The following BCO2 variants were observed in gnomAD, a reference collection of about 807,000 sequenced individuals.
BCO2 encodes beta-carotene oxygenase 2, also known as carotenoid-cleaving dioxygenase, mitochondrial.
BCO2 carries 56 observed loss-of-function variants against 65.8 expected under a neutral mutation model. The ratio of observed to expected loss-of-function variants is 0.85; its 90% CI spans 0.69 to 1.06. The LOEUF is 1.06. Among genes scored for constraint, BCO2 ranks in the 50% least tolerant of loss-of-function variants. BCO2 has a pLI of 0.00. For missense variants in BCO2, 675 were observed against 698.5 expected (o/e 0.97, Z 0.38); for synonymous variants, 233 against 242.3 (o/e 0.96, Z 0.36).
At position 112,217,963 on chromosome 11, in the gene BCO2, A is replaced by C; in HGVS notation, c.*89A>C. 4 of 886,816 alleles carry C rather than the reference A, an allele frequency of 4.5e-6. No individual in the cohort carries two copies. The highest frequency in any genetic ancestry group is 3.5e-6 in the Non-Finnish European group (2 of 574,288). 54.9% of individuals were successfully genotyped at this position (886,816 alleles called of 1,614,324 possible). On this transcript the variant is annotated 3_prime_UTR_variant, in exon 12 of 12. Coordinates refer to ENST00000357685, the MANE Select transcript of BCO2 (RefSeq NM_031938.7). ...GAGAAATAAACACTGAGGACTCCAAAAGGGGGGCAAGGAGGAAGAGGGGCA... is the reference window on the plus strand; with the variant it reads ...GAGAAATAAACACTGAGGACTCCAACAGGGGGGCAAGGAGGAAGAGGGGCA...
chr11:112,204,661 T>C (rs1014039045), intron 8 of BCO2, among the ~76,000 whole-genome samples: 2 of 152,190 alleles, frequency 1.3e-5, no homozygotes, highest in Non-Finnish European at 2.9e-5. Flanking sequence ...TCCTTATGAC[T>C]TTTAGTAGCA....
intron 8 of BCO2, among the ~76,000 whole-genome samples, chr11:112,206,341 C>T (rs1867868670): frequency 6.8e-6 from 1 of 147,230 alleles, no homozygotes; most frequent in Admixed American, 6.8e-5. Flanking sequence ...AGGTGTTCCT[C>T]AGTTCCCAGA....
chr11:112,192,897 C>CCA (rs1469876567), intron 2 of BCO2, among the ~76,000 whole-genome samples: 4 of 105,534 alleles, frequency 3.8e-5, no homozygotes, highest in African/African-American at 1.4e-4. Flanking sequence ...TTAGGATTCA[C>CCA]CACAATAGGG....
Position 112,200,771 on chromosome 11 carries a change from C to T in BCO2, c.1024C>T (p.Gln342Ter), listed in dbSNP as rs1228112270. 6.2e-7 allele frequency: 1 copy of T among 1,612,598 alleles called. No homozygotes were observed. Among genetic ancestry groups the T allele is most frequent in the Non-Finnish European group, 8.5e-7 (1 of 1,179,616 alleles). The change falls in exon 7 of 12, where the codon CAG (glutamine) becomes TAG (stop). Residue 342 changes from glutamine (Q) to a stop codon, truncating the protein, a stop_gained and splice_region_variant. Coordinates refer to ENST00000357685, the MANE Select transcript of BCO2 (RefSeq NM_031938.7). LOFTEE classifies it high-confidence loss of function. ...TCATGTGGTGGAAAAACGCACTGGACAGGTGGAGTATTTTGAGTATATTTA... is the reference window on the plus strand; with the variant it reads ...TCATGTGGTGGAAAAACGCACTGGATAGGTGGAGTATTTTGAGTATATTTA... ...RFHVVEKRTG[Q>*]LLPGRYYSKP...
chr11:112,217,344 CTCTT>C (rs1859708226), intron 11 of BCO2, among the ~76,000 whole-genome samples: 2 of 152,016 alleles, frequency 1.3e-5, no homozygotes, highest in Non-Finnish European at 2.9e-5. Flanking sequence ...CATGGTCTTG[CTCTT>C]TCTTTCTCTC....
intron 8 of BCO2, among the ~76,000 whole-genome samples, chr11:112,209,284 T>C (rs888968514): frequency 6.6e-6 from 1 of 152,226 alleles, no homozygotes; most frequent in African/African-American, 2.4e-5. Flanking sequence ...TGGAAACCAC[T>C]GATCTTTTCA....
Position 112,179,449 on chromosome 11 carries a change from T to C in BCO2, c.260T>C (p.Ile87Thr), listed in dbSNP as rs112483486. The part of the protein sequence containing the change: ...PKWLNGSLLR[I>T]GPGKFEFGKD... ...TGGCTCAATGGCTCTCTACTTCGAA[T>C]TGGACCTGGGAAATTCGAGTTTGGG... The change falls in exon 2 of 12, where the codon ATT (isoleucine) becomes ACT (threonine). Residue 87 changes from isoleucine to threonine, a missense_variant. By Grantham distance (89) the Ile-to-Thr change is moderately conservative. Coordinates refer to ENST00000357685, the MANE Select transcript of BCO2 (RefSeq NM_031938.7). 1.1e-3 allele frequency: 1,759 copies of C among 1,614,114 alleles called. 4 individuals carry two copies. The highest frequency in any genetic ancestry group is 3.5e-3 in the South Asian group (315 of 91,082).
chr11:112,213,648 T>C (rs2135396336), intron 8 of BCO2, 76 bp from the exon 9 acceptor site: 1 of 1,376,222 alleles, frequency 7.3e-7, no homozygotes, highest in African/African-American at 1.4e-5. Context: ...CCAATGATGT[T>C]GACTGGATCT....
intron 8 of BCO2, among the ~76,000 whole-genome samples, chr11:112,209,407 T>A (rs1464816938): frequency 6.6e-6 from 1 of 152,244 alleles, no homozygotes; most frequent in Non-Finnish European, 1.5e-5. Context: ...GGTTCCTCTG[T>A]GTCTTTTGTG....
At chr11:112,216,447 C>T in intron 11 of BCO2, 117 bp downstream of exon 11, 1 of 686,174 alleles carries the variant, frequency 1.5e-6, no homozygotes, top group Non-Finnish European at 2.5e-6. Flanking sequence ...CCTTCTCTTC[C>T]CCTCCTTACT....
intron 2 of BCO2, chr11:112,183,052 C>T: frequency 3.4e-6 from 4 of 1,176,058 alleles, no homozygotes; most frequent in Admixed American, 1.7e-5. Context: ...AGAGGAGCGA[C>T]TCTGGCAGGA....
At chr11:112,194,559 TATCA>T (rs1867504861) in intron 4 of BCO2, 90 bp from the exon 5 acceptor site, 1 of 780,482 alleles carries the variant, frequency 1.3e-6, no homozygotes, top group Non-Finnish European at 2.1e-6. Flanking sequence ...GCAGTTTTCT[TATCA>T]TATTTTTAAA....
intron 2 of BCO2, among the ~76,000 whole-genome samples, chr11:112,188,757 C>CTTT (rs5794781): frequency 0.22 from 32,812 of 147,324 alleles, 3,729 homozygotes; most frequent in Middle Eastern, 0.26. Flanking sequence ...GCATAAATAG[C>CTTT]TTTTTTTTTT....
Position 112,200,623 on chromosome 11 carries a change from G to A in BCO2, c.876G>A (p.Arg292=), listed in dbSNP as rs1867702088. 6.2e-6 allele frequency: 10 copies of A among 1,605,968 alleles called. No individual in the cohort carries two copies. The South Asian group carries it at 1.0e-4, about 16-fold the overall frequency. Residue 292 remains arginine, a synonymous_variant, in exon 7 of 12, where the codon AGG becomes AGA. Coordinates refer to ENST00000357685, the MANE Select transcript of BCO2 (RefSeq NM_031938.7). ...PSYYHSFGMT[R]NYIIFIEQPL... is the part of the protein sequence containing the mutation. ...GCTGGAACCTTTTAGGAATGACAAGGAACTATATAATTTTCATTGAACAAC... is the reference window on the plus strand; with the variant it reads ...GCTGGAACCTTTTAGGAATGACAAGAAACTATATAATTTTCATTGAACAAC...
At chr11:112,183,410 A>T (rs112054738) in intron 2 of BCO2, among the ~76,000 whole-genome samples, 87 of 152,322 alleles carry the variant, frequency 5.7e-4, no homozygotes, top group African/African-American at 2.0e-3. Flanking sequence ...TAATAGATGT[A>T]GGGAAACTAG....
At chr11:112,195,915 G>T (rs1239354836) in intron 5 of BCO2, among the ~76,000 whole-genome samples, 1 of 152,134 alleles carries the variant, frequency 6.6e-6, no homozygotes, top group South Asian at 2.1e-4. Flanking sequence ...ATGGTCTCTG[G>T]GTGATCTTGG....
chr11:112,184,004 A>C (rs1468220027), intron 2 of BCO2, among the ~76,000 whole-genome samples: 1 of 152,206 alleles, frequency 6.6e-6, no homozygotes, highest in African/African-American at 2.4e-5. Flanking sequence ...GTCTGTTTAC[A>C]CTATTAGCCT....
At chr11:112,199,171 A>G (rs961981738) in intron 5 of BCO2, among the ~76,000 whole-genome samples, 3 of 151,960 alleles carry the variant, frequency 2.0e-5, no homozygotes, top group Non-Finnish European at 2.9e-5. Flanking sequence ...ATGTGTTCTC[A>G]TTGTTCAACT....
At chr11:112,212,878 C>T (rs1859548959) in intron 8 of BCO2, among the ~76,000 whole-genome samples, 1 of 152,116 alleles carries the variant, frequency 6.6e-6, no homozygotes, top group Non-Finnish European at 1.5e-5. Flanking sequence ...TAAGGACTGG[C>T]ACATGCAAGA....
Sources: gnomAD v4.1 joint callset for allele counts (sites outside exome capture counted in the v4.1 genomes callset) on GRCh38, gnomAD v4.1.1 for gene constraint, MANE v1.5 for transcripts, NCBI Gene and HGNC (gene_info 2026-07-23, HGNC 2026-07-21) for gene names.